The following PKD2 variants were observed in gnomAD, a reference collection of about 807,000 sequenced individuals.
PKD2 encodes polycystin-2.
A neutral mutation model predicts 105.9 loss-of-function variants in PKD2; 48 were observed. The ratio of observed to expected loss-of-function variants is 0.45; its 90% CI spans 0.36 to 0.58. The LOEUF is 0.58. Among genes scored for constraint, PKD2 ranks in the 20% least tolerant of loss-of-function variants. The pLI, the probability that PKD2 is intolerant of heterozygous loss-of-function variation, is 0.00. For synonymous variants in PKD2, 464 were observed against 481.1 expected (o/e 0.96, Z 0.46); for missense variants, 1,078 against 1,255.3 (o/e 0.86, Z 2.13).
intron 2 of PKD2, among the ~76,000 whole-genome samples, chr4:88,024,737 C>T (rs1005773160): frequency 6.6e-6 from 1 of 151,938 alleles, no homozygotes; most frequent in Admixed American, 6.6e-5. Flanking sequence ...AAAGCAATTA[C>T]AAAGAATGAT....
chr4:88,070,593 T>TAGAGAGAGAGAG (rs1231949190), intron 13 of PKD2, among the ~76,000 whole-genome samples: 1 of 108,480 alleles, frequency 9.2e-6, no homozygotes, highest in African/African-American at 3.6e-5. Context: ...TATATATATA[T>TAGAGAGAGAGAG]ATATATATAG....
At chr4:88,045,303 T>A (rs569755869) in intron 5 of PKD2, among the ~76,000 whole-genome samples, 1 of 152,348 alleles carries the variant, frequency 6.6e-6, no homozygotes, top group East Asian at 1.9e-4. Context: ...GCTTCAGAGT[T>A]GCTCTCCTGA....
chr4:88,041,016 T>A (rs1286367709), intron 4 of PKD2, among the ~76,000 whole-genome samples: 1 of 152,192 alleles, frequency 6.6e-6, no homozygotes, highest in Non-Finnish European at 1.5e-5. Flanking sequence ...GAAACGTCCT[T>A]TCTTCACAGA....
rs1459376879 is a variant in PKD2, at chr4:88,046,906, T to C, written c.1548+36T>C. On this transcript the variant is annotated intron_variant, in intron 6 of 14. Coordinates refer to ENST00000237596, the MANE Select transcript of PKD2 (RefSeq NM_000297.4). ...GAACAACACCAAATTTCCTATTCTA[T>C]TCTACAAGCATGTTAACTAGAGTCT... The C allele has an allele frequency of 2.5e-6, 3 of 1,193,056 alleles. No individual in the cohort carries two copies. In the East Asian group the frequency reaches 7.0e-5, roughly 28 times the overall value. 73.9% of individuals were successfully genotyped at this position (1,193,056 alleles called of 1,614,324 possible).
At chr4:88,034,737 A>G (rs1403113320) in intron 2 of PKD2, among the ~76,000 whole-genome samples, 1 of 151,788 alleles carries the variant, frequency 6.6e-6, no homozygotes, top group East Asian at 1.9e-4. Flanking sequence ...ACTAAATAGT[A>G]CTTAATCCCA....
At chr4:88,040,304 A>G (rs1447816016) in intron 4 of PKD2, among the ~76,000 whole-genome samples, 8 of 152,248 alleles carry the variant, frequency 5.3e-5, no homozygotes, top group East Asian at 1.9e-4. Flanking sequence ...TCAGCTCCCC[A>G]TCAGTACTCA....
chr4:88,015,677 C>T (rs1420117231), intron 1 of PKD2, among the ~76,000 whole-genome samples: 3 of 152,218 alleles, frequency 2.0e-5, no homozygotes, highest in African/African-American at 4.8e-5. Context: ...CCACCTCGGC[C>T]TCCCAGAGTG....
chr4:88,057,945 T>G, intron 8 of PKD2, 38 bp from the exon 9 acceptor site: 1 of 1,511,558 alleles, frequency 6.6e-7, no homozygotes, highest in Non-Finnish European at 9.2e-7. Context: ...TGGACATTCT[T>G]TGTTTTTGTA....
At chr4:88,034,057 T>G (rs1727249296) in intron 2 of PKD2, among the ~76,000 whole-genome samples, 1 of 152,176 alleles carries the variant, frequency 6.6e-6, no homozygotes, top group Non-Finnish European at 1.5e-5. Context: ...AATACCTTGT[T>G]CCATAAATAT....
intron 13 of PKD2, among the ~76,000 whole-genome samples, chr4:88,071,593 A>G (rs1721035568): frequency 6.6e-6 from 1 of 151,332 alleles, no homozygotes; most frequent in African/African-American, 2.4e-5. Flanking sequence ...AAGATTGGAC[A>G]TGTTAGATAA....
At chr4:88,029,020 A>C (rs976709185) in intron 2 of PKD2, among the ~76,000 whole-genome samples, 1 of 152,196 alleles carries the variant, frequency 6.6e-6, no homozygotes, top group Non-Finnish European at 1.5e-5. Flanking sequence ...ACCTGGATTA[A>C]AAGATTTGGG....
intron 7 of PKD2, among the ~76,000 whole-genome samples, chr4:88,052,731 C>G (rs906226664): frequency 1.3e-5 from 2 of 151,880 alleles, no homozygotes; most frequent in Non-Finnish European, 2.9e-5. Context: ...GGGCCTGGGG[C>G]CCCAGGCTGC....
At chr4:88,066,425 A>G (rs1265007381) in intron 12 of PKD2, among the ~76,000 whole-genome samples, 4 of 150,464 alleles carry the variant, frequency 2.7e-5, no homozygotes, top group Non-Finnish European at 4.4e-5. Context: ...GCAGTGGCAC[A>G]ATCGCGACTC....
intron 6 of PKD2, among the ~76,000 whole-genome samples, chr4:88,048,136 A>T (rs182330574): frequency 2.6e-5 from 4 of 152,362 alleles, no homozygotes; most frequent in Admixed American, 6.5e-5. Flanking sequence ...TTTGCTTGGC[A>T]TAGGTGTACC....
intron 2 of PKD2, among the ~76,000 whole-genome samples, chr4:88,031,827 A>G (rs1349572825): frequency 2.0e-5 from 3 of 152,182 alleles, no homozygotes; most frequent in South Asian, 2.1e-4. Context: ...CTGTTATTCA[A>G]TACATAAGAA....
chr4:88,049,713 A>G (rs1719969542), intron 6 of PKD2, among the ~76,000 whole-genome samples: 1 of 152,184 alleles, frequency 6.6e-6, no homozygotes, highest in South Asian at 2.1e-4. Flanking sequence ...AAATTTGCTT[A>G]TGCTTACCCA....
intron 3 of PKD2, among the ~76,000 whole-genome samples, chr4:88,037,540 C>T (rs1209748584): frequency 6.6e-6 from 1 of 152,194 alleles, no homozygotes; most frequent in African/African-American, 2.4e-5. Flanking sequence ...AACTGAGTCA[C>T]AGGAAACTAT....
chr4:88,067,864 T>TA (rs768606936), intron 12 of PKD2, 34 bp from the exon 13 acceptor site: 1 of 1,603,846 alleles, frequency 6.2e-7, no homozygotes, highest in South Asian at 1.1e-5. Flanking sequence ...GTCTCAGTGT[T>TA]CTGCTCCTCA....
Position 88,065,381 on chromosome 4 carries a change from A to G in PKD2, c.2126A>G (p.His709Arg), listed in dbSNP as rs767123701. The change falls in exon 11 of 15, where the codon CAT becomes CGT. Residue 709 changes from histidine (H) to arginine (R), a missense_variant. Physicochemically the swap from His to Arg is conservative, Grantham distance 29. Coordinates refer to ENST00000237596, the MANE Select transcript of PKD2 (RefSeq NM_000297.4). ...TTTTTCTCTCTCTGATAGGGCTACC[A>G]TAAAGCTTTGGTCAAACTAAAACTG... ...ELSDLIRKGY[H>R]KALVKLKLKK... 5 of 1,612,124 alleles carry G rather than the reference A, an allele frequency of 3.1e-6. No individual in the cohort carries two copies. Among genetic ancestry groups the G allele is most frequent in the Non-Finnish European group, 4.2e-6 (5 of 1,178,266 alleles).
Sources: allele counts gnomAD v4.1 joint callset (sites outside exome capture counted in the v4.1 genomes callset), GRCh38; gene constraint gnomAD v4.1.1; transcripts MANE v1.5; gene names NCBI Gene and HGNC (gene_info 2026-07-23, HGNC 2026-07-21).